MSRA: variants seen among roughly 807,000 people sequenced by gnomAD.
MSRA encodes the protein methionine sulfoxide reductase A.
A neutral mutation model predicts 31.3 loss-of-function variants in MSRA; 54 were observed. That is an observed-to-expected ratio of 1.73 (90% CI 1.39 to 2.17). The LOEUF (loss-of-function observed/expected upper bound fraction) is 2.17, where lower values mean the gene tolerates loss of function less well. MSRA is among the 30% of genes most tolerant of loss of function. The pLI is 0.00. For synonymous variants in MSRA, 169 were observed against 116.5 expected (o/e 1.45, Z -2.90); for missense variants, 507 against 300.9 (o/e 1.69, Z -5.07).
At position 10,054,580 on chromosome 8, in the gene MSRA, A is replaced by T. The variant is rs757211389; in HGVS notation, c.64A>T (p.Arg22Trp). The T allele has an allele frequency of 9.5e-6, 15 of 1,584,364 alleles. No individual in the cohort carries two copies. Among genetic ancestry groups the T allele is most frequent in the Non-Finnish European group, 1.3e-5 (15 of 1,165,734 alleles). The change falls in exon 1 of 6, where the codon AGG becomes TGG. Residue 22 changes from arginine (R) to tryptophan (W), a missense_variant. By Grantham distance (101) the Arg-to-Trp change is moderately radical. Transcript: ENST00000317173. ...LLLHSLFPVP[R>W]MGNSASNIVS... Reference sequence around the variant, plus strand: ...CCTCCACAGCCTCTTTCCCGTCCCGAGGATGGGCAACTCGGCCTCGAACAT... The same window carrying T: ...CCTCCACAGCCTCTTTCCCGTCCCGTGGATGGGCAACTCGGCCTCGAACAT...
At position 10,354,717 on chromosome 8, in the gene MSRA, C is replaced by T. The variant is rs1188531845; in HGVS notation, c.543+34728C>T. 2.8e-5 allele frequency among the ~76,000 whole-genome samples: 4 copies of T among 144,344 alleles called. No homozygotes were observed. The East Asian group carries it at 8.0e-4, about 29-fold the overall frequency. 94.7% of individuals were successfully genotyped at this position (144,344 alleles called of 152,430 possible). A position where few individuals can be genotyped will look rare whatever the true frequency, so the allele number is the denominator to read the frequency against. On this transcript the variant is annotated intron_variant, in intron 5 of 5. Coordinates refer to ENST00000317173, the MANE Select transcript of MSRA (RefSeq NM_012331.5). ...CATATTCATTTCATGAATATCTTTTCATACCAGTTATGTAATATGTGTGTG... is the reference window on the plus strand; with the variant it reads ...CATATTCATTTCATGAATATCTTTTTATACCAGTTATGTAATATGTGTGTG...
chr8:10,291,897 C>T (rs1438076350), intron 3 of MSRA, among the ~76,000 whole-genome samples: 1 of 152,170 alleles, frequency 6.6e-6, no homozygotes, highest in Non-Finnish European at 1.5e-5. Flanking sequence ...TACCTGGACT[C>T]GGACTCTAGG....
At chr8:10,120,528 G>A (rs1229369126) in intron 1 of MSRA, among the ~76,000 whole-genome samples, 1 of 152,144 alleles carries the variant, frequency 6.6e-6, no homozygotes, top group Non-Finnish European at 1.5e-5. Context: ...GGATTCTTAT[G>A]TTTTATCCAG....
At chr8:10,172,214 G>A (rs888044404) in intron 1 of MSRA, among the ~76,000 whole-genome samples, 10 of 152,192 alleles carry the variant, frequency 6.6e-5, no homozygotes, top group African/African-American at 2.4e-4. Flanking sequence ...GTATGGGTTG[G>A]TGTGTGTCAC....
chr8:10,319,578 T>TC, intron 4 of MSRA, among the ~76,000 whole-genome samples: 1 of 151,756 alleles, frequency 6.6e-6, no homozygotes, highest in Non-Finnish European at 1.5e-5. Context: ...TTGGAGTAGA[T>TC]CGTTGTTTAA....
chr8:10,064,494 G>A (rs975147529), intron 1 of MSRA, among the ~76,000 whole-genome samples: 1 of 152,050 alleles, frequency 6.6e-6, no homozygotes, highest in Non-Finnish European at 1.5e-5. Flanking sequence ...TATTAAATTG[G>A]CATCATGATA....
intron 1 of MSRA, among the ~76,000 whole-genome samples, chr8:10,142,423 C>T (rs1802796422): frequency 6.6e-6 from 1 of 152,236 alleles, no homozygotes; most frequent in Non-Finnish European, 1.5e-5. Flanking sequence ...GCTTCTGCTT[C>T]TAAATCCGTG....
At chr8:10,344,381 C>T (rs1379418523) in intron 5 of MSRA, among the ~76,000 whole-genome samples, 1 of 151,576 alleles carries the variant, frequency 6.6e-6, no homozygotes, top group Non-Finnish European at 1.5e-5. Context: ...GAAGACCAGC[C>T]TGGCCAAGAT....
At chr8:10,126,540 G>GGGT (rs1454349617) in intron 1 of MSRA, among the ~76,000 whole-genome samples, 5 of 151,944 alleles carry the variant, frequency 3.3e-5, no homozygotes, top group Non-Finnish European at 7.4e-5. Context: ...TTTTGAGATG[G>GGGT]GGTCTTCTGT....
intron 1 of MSRA, among the ~76,000 whole-genome samples, chr8:10,120,983 A>T (rs1013820908): frequency 6.6e-6 from 1 of 152,266 alleles, no homozygotes; most frequent in Admixed American, 6.5e-5. Flanking sequence ...CCAGTGAAAT[A>T]TAGATGCAAA....
At chr8:10,349,095 C>A (rs776723073) in intron 5 of MSRA, among the ~76,000 whole-genome samples, 2 of 152,150 alleles carry the variant, frequency 1.3e-5, no homozygotes. Flanking sequence ...TCTATTCATT[C>A]TAAAACATGA....
Position 10,367,626 on chromosome 8 carries a change from C to T in MSRA, c.543+47637C>T, listed in dbSNP as rs544412789. On this transcript the variant is annotated intron_variant, in intron 5 of 5. Coordinates refer to ENST00000317173, the MANE Select transcript of MSRA (RefSeq NM_012331.5). ...CTGTGAAGTGATGAGCCAACCAAGG[C>T]ACAGAGGTGTTGACTTTCCCCATGT... 5.9e-5 allele frequency among the ~76,000 whole-genome samples: 9 copies of T among 152,326 alleles called. No individual in the cohort carries two copies. In the East Asian group the frequency reaches 7.7e-4, roughly 13 times the overall value.
chr8:10,079,028 G>C (rs972876597), intron 1 of MSRA, among the ~76,000 whole-genome samples: 3 of 152,228 alleles, frequency 2.0e-5, no homozygotes, highest in Non-Finnish European at 4.4e-5. Flanking sequence ...ATTCACCGCT[G>C]TGTGCTGGCA....
At chr8:10,341,745 C>T (rs936138450) in intron 5 of MSRA, among the ~76,000 whole-genome samples, 2 of 152,126 alleles carry the variant, frequency 1.3e-5, no homozygotes, top group Admixed American at 6.5e-5. Context: ...GATGGTGTGA[C>T]GTAAGTGAGA....
intron 1 of MSRA, among the ~76,000 whole-genome samples, chr8:10,138,500 A>G (rs533769273): frequency 1.3e-5 from 2 of 152,330 alleles, no homozygotes; most frequent in Admixed American, 6.5e-5. Flanking sequence ...CCAGGATAAG[A>G]AATAAGACGG....
intron 2 of MSRA, among the ~76,000 whole-genome samples, chr8:10,209,748 C>G (rs1408493791): frequency 1.3e-5 from 2 of 152,200 alleles, no homozygotes; most frequent in African/African-American, 2.4e-5. Context: ...CCTCTTACGC[C>G]TTCAGGACTG....
chr8:10,165,654 C>T (rs142583373), intron 1 of MSRA, among the ~76,000 whole-genome samples: 9 of 152,274 alleles, frequency 5.9e-5, no homozygotes, highest in Non-Finnish European at 8.8e-5. Flanking sequence ...ACCGAGTCTA[C>T]GTCCTAACCC....
chr8:10,119,796 G>T (rs1239522129), intron 1 of MSRA, among the ~76,000 whole-genome samples: 2 of 152,084 alleles, frequency 1.3e-5, no homozygotes, highest in Non-Finnish European at 2.9e-5. Flanking sequence ...GTGTACAAAG[G>T]GACTACCTTG....
chr8:10,054,476 A>G lies in MSRA; in HGVS notation c.-41A>G, dbSNP rs773032312. ...TTCCGGCTGCGGCTCCGCTGCCGGT[A>G]GCGCCGTCCCCCGGGACCACCCTTC... On this transcript the variant is annotated 5_prime_UTR_variant, in exon 1 of 6. Transcript: ENST00000317173. 3 of 1,522,336 alleles carry G rather than the reference A, an allele frequency of 2.0e-6. No homozygotes were observed. In the South Asian group the frequency reaches 3.5e-5, roughly 18 times the overall value. The allele number at this position is 1,522,336 out of a possible 1,614,324, so 94.3% of individuals were successfully genotyped here.
Sources: allele counts gnomAD v4.1 joint callset (sites outside exome capture counted in the v4.1 genomes callset), GRCh38; gene constraint gnomAD v4.1.1; transcripts MANE v1.5; gene names NCBI Gene and HGNC (gene_info 2026-07-23, HGNC 2026-07-21).